Variants in RNF220 observed in about 807,000 individuals in gnomAD.
RNF220 encodes E3 ubiquitin-protein ligase RNF220.
RNF220 carries 7 observed loss-of-function variants against 67.1 expected under a neutral mutation model. The observed-to-expected ratio is 0.10, with a 90% confidence interval of 0.06 to 0.20. The LOEUF (loss-of-function observed/expected upper bound fraction) is 0.20. RNF220 is among the 10% of genes least tolerant of loss of function. The pLI, the probability that RNF220 is intolerant of heterozygous loss-of-function variation, is 1.00. For synonymous variants in RNF220, 270 were observed against 283.2 expected, an observed-to-expected ratio of 0.95 and a Z score of 0.47; for missense variants, 565 against 740.3, an observed-to-expected ratio of 0.76 and a Z score of 2.75.
At chr1:44,431,933 T>C (rs1014194140) in intron 2 of RNF220, among the ~76,000 whole-genome samples, 7 of 152,244 alleles carry the variant, frequency 4.6e-5, no homozygotes, top group Admixed American at 4.6e-4. Flanking sequence ...GGTTTTACCT[T>C]CTCATGTAGT....
chr1:44,517,888 C>T (rs1335978456), intron 2 of RNF220, among the ~76,000 whole-genome samples: 1 of 152,144 alleles, frequency 6.6e-6, no homozygotes, highest in Non-Finnish European at 1.5e-5. Context: ...AGGTGGATCA[C>T]CTGAGGTCAG....
intron 2 of RNF220, among the ~76,000 whole-genome samples, chr1:44,527,973 T>C (rs1288737461): frequency 2.8e-5 from 2 of 71,308 alleles, no homozygotes; most frequent in African/African-American, 9.7e-5. Context: ...AGGGTAAAAA[T>C]CATAGCTATG....
chr1:44,497,421 G>C (rs1013141447), intron 2 of RNF220, among the ~76,000 whole-genome samples: 1 of 151,884 alleles, frequency 6.6e-6, no homozygotes, highest in Non-Finnish European at 1.5e-5. Context: ...AGGTTTTCCT[G>C]TATAAAACAA....
intron 2 of RNF220, among the ~76,000 whole-genome samples, chr1:44,523,565 C>T (rs1287455305): frequency 6.6e-6 from 1 of 152,208 alleles, no homozygotes; most frequent in Non-Finnish European, 1.5e-5. Flanking sequence ...CTTGACACAG[C>T]TCTGCCAAAA....
chr1:44,587,701 A>G (rs1302157239), intron 2 of RNF220, among the ~76,000 whole-genome samples: 1 of 152,190 alleles, frequency 6.6e-6, no homozygotes, highest in Non-Finnish European at 1.5e-5. Flanking sequence ...TCTAGGGCAC[A>G]TGTGTTCCGA....
chr1:44,562,900 T>C (rs1264741562), intron 2 of RNF220, among the ~76,000 whole-genome samples: 2 of 152,234 alleles, frequency 1.3e-5, no homozygotes, highest in Non-Finnish European at 2.9e-5. Context: ...ACTATGTATT[T>C]ATCCAATGCC....
intron 2 of RNF220, among the ~76,000 whole-genome samples, chr1:44,503,648 A>G (rs1485014535): frequency 6.6e-6 from 1 of 152,212 alleles, no homozygotes; most frequent in African/African-American, 2.4e-5. Flanking sequence ...ATCCCAGGCC[A>G]TTCTGTTCCC....
chr1:44,435,391 A>AT (rs1650859669), intron 2 of RNF220, among the ~76,000 whole-genome samples: 1 of 152,196 alleles, frequency 6.6e-6, no homozygotes, highest in African/African-American at 2.4e-5. Flanking sequence ...GAGATAATGT[A>AT]TTTATAACAT....
rs1019928320 is a variant in RNF220, at chr1:44,600,970, T to A, written c.626-13195T>A. Among the ~76,000 whole-genome samples, 9 of 152,220 alleles carry A rather than the reference T, an allele frequency of 5.9e-5. No individual in the cohort carries two copies. The highest frequency in any genetic ancestry group is 5.2e-4 in the Admixed American group (8 of 15,282). On this transcript the variant is annotated intron_variant, in intron 2 of 14. Coordinates refer to ENST00000361799, the MANE Select transcript of RNF220 (RefSeq NM_018150.4). The surrounding 1 kb of genome is among the most constrained non-coding windows in gnomAD (Gnocchi z 4.0). ...CTCTGAACAAGGCAAATATCTATAT[T>A]ACAGGCTCCCACAGCACTGTTGACC...
At chr1:44,556,000 G>C (rs1257248895) in intron 2 of RNF220, among the ~76,000 whole-genome samples, 2 of 149,570 alleles carry the variant, frequency 1.3e-5, no homozygotes, top group African/African-American at 2.5e-5. Flanking sequence ...CTAATTATCT[G>C]TCCACATGTT....
At position 44,632,356 on chromosome 1, in the gene RNF220, T is replaced by G; in HGVS notation, c.920T>G (p.Val307Gly). 1 of 1,613,940 alleles carries G rather than the reference T, an allele frequency of 6.2e-7. No homozygotes were observed. The highest frequency in any genetic ancestry group is 8.5e-7 in the Non-Finnish European group (1 of 1,179,978). ...ATCTTCTCCCAGACCTTTCTGCGAG[T>G]ACGAGCCAACCGGCAGACCCGACTG... is the stretch of plus-strand genomic sequence containing the variant. ...HSDRYQTFLR[V>G]RANRQTRLNA... is the part of the protein sequence containing the mutation. Residue 307 changes from valine (V) to glycine (G), a missense_variant, in exon 6 of 15, where the codon GTA becomes GGA. Physicochemically the swap from Val to Gly is moderately radical, Grantham distance 109. Coordinates refer to ENST00000361799, the MANE Select transcript of RNF220 (RefSeq NM_018150.4).
chr1:44,482,905 G>A (rs944093034), intron 2 of RNF220, among the ~76,000 whole-genome samples: 2 of 143,856 alleles, frequency 1.4e-5, no homozygotes, highest in South Asian at 4.3e-4. Flanking sequence ...GTAAGAGTGA[G>A]CCACCACACC....
chr1:44,424,185 A>G (rs1649514168), intron 2 of RNF220: 3 of 223,960 alleles, frequency 1.3e-5, no homozygotes, highest in Non-Finnish European at 7.5e-6. Flanking sequence ...ATAATGTAAA[A>G]TAACAGACAG....
At chr1:44,426,130 G>A (rs1048628381) in intron 2 of RNF220, among the ~76,000 whole-genome samples, 4 of 152,134 alleles carry the variant, frequency 2.6e-5, no homozygotes, top group Admixed American at 6.5e-5. Context: ...TTTCTTCTCA[G>A]CAAAGCTCGG....
chr1:44,548,915 AT>A (rs1662392669), intron 2 of RNF220, among the ~76,000 whole-genome samples: 2 of 152,072 alleles, frequency 1.3e-5, no homozygotes, highest in South Asian at 2.1e-4. Flanking sequence ...AACAGCTATG[AT>A]TGGCCGGGCG....
chr1:44,431,760 GGCTC>G (rs1426428964), intron 2 of RNF220, among the ~76,000 whole-genome samples: 1 of 152,188 alleles, frequency 6.6e-6, no homozygotes, highest in East Asian at 1.9e-4. Context: ...GGTGGCCATC[GGCTC>G]TGTTTGTTGC....
intron 12 of RNF220, among the ~76,000 whole-genome samples, chr1:44,646,502 T>C (rs1644652611): frequency 6.6e-6 from 1 of 152,148 alleles, no homozygotes; most frequent in Non-Finnish European, 1.5e-5. Flanking sequence ...CAGCTTGTGG[T>C]GGGGAGGAAT....
chr1:44,540,569 T>G (rs1235933472), intron 2 of RNF220, among the ~76,000 whole-genome samples: 1 of 152,180 alleles, frequency 6.6e-6, no homozygotes, highest in Non-Finnish European at 1.5e-5. Context: ...CGCCTCTGCC[T>G]TCTATGGGGA....
At chr1:44,419,077 A>G (rs921014147) in intron 2 of RNF220, among the ~76,000 whole-genome samples, 5 of 152,232 alleles carry the variant, frequency 3.3e-5, no homozygotes, top group Non-Finnish European at 4.4e-5. Flanking sequence ...TTTGCTGCTA[A>G]GAGTTTAACA....
Sources: gnomAD v4.1 joint callset for allele counts (sites outside exome capture counted in the v4.1 genomes callset) on GRCh38, gnomAD v4.1.1 for gene constraint, Gnocchi (gnomAD v3.1) non-coding constraint, MANE v1.5 for transcripts, NCBI Gene and HGNC (gene_info 2026-07-23, HGNC 2026-07-21) for gene names.